Variants in CUX2 observed in about 807,000 individuals in gnomAD.
CUX2 encodes homeobox protein cut-like 2.
A neutral mutation model predicts 144.8 loss-of-function variants in CUX2; 40 were observed. That is an observed-to-expected ratio of 0.28 (90% confidence interval 0.21 to 0.36). The LOEUF (loss-of-function observed/expected upper bound fraction) is 0.36. Among genes scored for constraint, CUX2 ranks in the 10% least tolerant of loss-of-function variants. The pLI, the probability that CUX2 is intolerant of heterozygous loss-of-function variation, is 1.00. For synonymous variants in CUX2, 827 were observed against 875.6 expected, an observed-to-expected ratio of 0.94 and a Z score of 0.98; for missense variants, 1,615 against 1,994.0, an observed-to-expected ratio of 0.81 and a Z score of 3.62.
intron 1 of CUX2, among the ~76,000 whole-genome samples, chr12:111,082,824 G>T (rs1871975833): frequency 6.6e-6 from 1 of 152,184 alleles, no homozygotes; most frequent in Non-Finnish European, 1.5e-5. Context: ...GTCTGGGAAG[G>T]GTGGGCAATG....
rs1024913042 is a variant in CUX2 at position 111,077,386 on chromosome 12, G to A, written c.63+43146G>A. Among the ~76,000 whole-genome samples, 4 of 152,048 alleles carry A rather than the reference G, an allele frequency of 2.6e-5. No individual in the cohort carries two copies. Among genetic ancestry groups the A allele is most frequent in the Non-Finnish European group, 5.9e-5 (4 of 67,998 alleles). ...AACCCTAGCCTCTGGGGACTGGCGCGGCCATGCCATCGACCTGAACCCCCT... is the reference window on the plus strand; with the variant it reads ...AACCCTAGCCTCTGGGGACTGGCGCAGCCATGCCATCGACCTGAACCCCCT... On this transcript the variant is annotated intron_variant, in intron 1 of 21. Coordinates refer to ENST00000261726, the MANE Select transcript of CUX2 (RefSeq NM_015267.4). This position sits in a 1 kb window ranked among gnomAD's most constrained non-coding sequence, Gnocchi z 4.1.
In CUX2 at chr12:111,035,367, G is replaced by A. The variant is rs1249106404; in HGVS notation, c.63+1127G>A. ...CTCTGCGGACCCCGTAGGAGCCGGG[G>A]CTGGGAGGTGGAATCTCAGAGAACG... is the stretch of plus-strand genomic sequence containing the variant. On this transcript the variant is annotated intron_variant, in intron 1 of 21. Coordinates refer to ENST00000261726, the MANE Select transcript of CUX2 (RefSeq NM_015267.4). This position sits in a 1 kb window ranked among gnomAD's most constrained non-coding sequence, Gnocchi z 6.0. 6.6e-6 allele frequency among the ~76,000 whole-genome samples: 1 copy of A among 152,168 alleles called. No individual in the cohort carries two copies. The highest frequency in any genetic ancestry group is 2.1e-4 in the South Asian group (1 of 4,836).
chr12:111,081,058 G>C (rs1871858390), intron 1 of CUX2, among the ~76,000 whole-genome samples: 1 of 152,194 alleles, frequency 6.6e-6, no homozygotes, highest in Non-Finnish European at 1.5e-5. Context: ...ATAAGGGCCA[G>C]TAGTGGGAGT....
At chr12:111,149,352 C>T (rs1345324370) in intron 1 of CUX2, among the ~76,000 whole-genome samples, 2 of 152,252 alleles carry the variant, frequency 1.3e-5, no homozygotes, top group Non-Finnish European at 2.9e-5. Flanking sequence ...ATTGGACACC[C>T]CTACCCTAGA....
chr12:111,052,006 GGA>G (rs1491385441), intron 1 of CUX2, among the ~76,000 whole-genome samples: 1 of 151,828 alleles, frequency 6.6e-6, no homozygotes, highest in African/African-American at 2.4e-5. Context: ...CTTTTTTAAT[GGA>G]CACATTATAA....
chr12:111,202,665 T>C (rs1880669644), intron 1 of CUX2, among the ~76,000 whole-genome samples: 1 of 152,010 alleles, frequency 6.6e-6, no homozygotes, highest in Non-Finnish European at 1.5e-5. Flanking sequence ...CTTGTGCTTG[T>C]GGAGCTGACA....
At chr12:111,040,044 T>C (rs1042711228) in intron 1 of CUX2, among the ~76,000 whole-genome samples, 4 of 152,148 alleles carry the variant, frequency 2.6e-5, no homozygotes, top group African/African-American at 9.7e-5. Context: ...CCCAGCACTT[T>C]GGCAGGCTGA....
chr12:111,242,396 G>T (rs771970580), intron 3 of CUX2, among the ~76,000 whole-genome samples: 6 of 152,222 alleles, frequency 3.9e-5, no homozygotes, highest in African/African-American at 1.4e-4. Flanking sequence ...CATATTTCCT[G>T]CAGCTGCTTT....
In CUX2 at chr12:111,177,190, C is replaced by T. The variant is rs917761698; in HGVS notation, c.64-37010C>T. ...TGGCTTATGCATCCAAAATGTTTTCCGTGCCTACTTGGGAGCAGGGCCCGC... is the reference window on the plus strand; with the variant it reads ...TGGCTTATGCATCCAAAATGTTTTCTGTGCCTACTTGGGAGCAGGGCCCGC... On this transcript the variant is annotated intron_variant, in intron 1 of 21. Transcript: ENST00000261726. Among the ~76,000 whole-genome samples the T allele has an allele frequency of 5.9e-5, 9 of 152,200 alleles. No homozygotes were observed. The South Asian group carries it at 8.3e-4, about 14-fold the overall frequency.
intron 16 of CUX2, among the ~76,000 whole-genome samples, chr12:111,318,885 G>A (rs996205196): frequency 3.9e-5 from 6 of 151,950 alleles, no homozygotes; most frequent in East Asian, 2.0e-4. Context: ...GGCTGGTCTC[G>A]AACTCCTAAA....
chr12:111,228,446 C>T (rs1239284668), intron 3 of CUX2, among the ~76,000 whole-genome samples: 1 of 152,038 alleles, frequency 6.6e-6, no homozygotes, highest in African/African-American at 2.4e-5. Context: ...TTTCCTGAGA[C>T]AGAGTCCCGC....
rs754183400 is a variant in CUX2, at chr12:111,304,321, A to G, written c.858+7A>G. On this transcript the variant is annotated splice_region_variant and intron_variant, in intron 10 of 21. Transcript: ENST00000261726. The surrounding 1 kb of genome is among the most constrained non-coding windows in gnomAD (Gnocchi z 4.7). Reference sequence around the variant, plus strand: ...TCCCCAGGGGCCCAGTGGGGTAAGGATGGGGTTGGGGAAGTGAGCAGGGAG... The same window carrying G: ...TCCCCAGGGGCCCAGTGGGGTAAGGGTGGGGTTGGGGAAGTGAGCAGGGAG... The G allele has an allele frequency of 1.2e-6, 2 of 1,611,208 alleles. No homozygotes were observed. Among genetic ancestry groups the G allele is most frequent in the Non-Finnish European group, 1.7e-6 (2 of 1,178,128 alleles).
chr12:111,240,182 T>C (rs901552331), intron 3 of CUX2, among the ~76,000 whole-genome samples: 2 of 152,244 alleles, frequency 1.3e-5, no homozygotes, highest in Non-Finnish European at 2.9e-5. Flanking sequence ...GAGCTGGGAT[T>C]TGAGCCCAGG....
At chr12:111,199,935 CTT>C (rs1006608783) in intron 1 of CUX2, among the ~76,000 whole-genome samples, 11 of 152,064 alleles carry the variant, frequency 7.2e-5, no homozygotes, top group African/African-American at 2.7e-4. Context: ...CAGGAAGGCT[CTT>C]TTCTACAGCA....
intron 3 of CUX2, among the ~76,000 whole-genome samples, chr12:111,220,816 G>T (rs1259780127): frequency 7.2e-6 from 1 of 138,574 alleles, no homozygotes; most frequent in Non-Finnish European, 1.5e-5. Context: ...TGTGCCTGTA[G>T]TCCCAGCTAC....
At chr12:111,052,339 G>T (rs2136013001) in intron 1 of CUX2, among the ~76,000 whole-genome samples, 1 of 152,128 alleles carries the variant, frequency 6.6e-6, no homozygotes, top group Middle Eastern at 3.4e-3. Flanking sequence ...GCCTCCCTCT[G>T]TGGATTGTCA....
At chr12:111,095,427 C>T (rs889493300) in intron 1 of CUX2, among the ~76,000 whole-genome samples, 7 of 151,938 alleles carry the variant, frequency 4.6e-5, no homozygotes, top group African/African-American at 1.5e-4. Context: ...CCACTGCACT[C>T]CAGTGTGGGC....
At chr12:111,058,560 A>G (rs939104220) in intron 1 of CUX2, among the ~76,000 whole-genome samples, 4 of 152,054 alleles carry the variant, frequency 2.6e-5, no homozygotes, top group Non-Finnish European at 5.9e-5. Flanking sequence ...AGAGAGAGAG[A>G]GAGAGAGACA....
At chr12:111,270,784 A>G (rs943915705) in intron 4 of CUX2, 2 of 152,120 alleles carry the variant, frequency 1.3e-5, no homozygotes, top group Non-Finnish European at 2.9e-5. Flanking sequence ...CAGATTTGCA[A>G]TTCCTGGCAG....
Sources: allele counts gnomAD v4.1 joint callset (sites outside exome capture counted in the v4.1 genomes callset), GRCh38; gene constraint gnomAD v4.1.1; non-coding constraint Gnocchi (gnomAD v3.1); transcripts MANE v1.5; gene names NCBI Gene and HGNC (gene_info 2026-07-23, HGNC 2026-07-21).